The following GALNT7 variants were observed in gnomAD, a reference collection of about 807,000 sequenced individuals.
GALNT7 encodes N-acetylgalactosaminyltransferase 7.
A neutral mutation model predicts 82.1 loss-of-function variants in GALNT7; 60 were observed. The observed-to-expected ratio is 0.73, with a 90% CI of 0.59 to 0.91. The LOEUF (loss-of-function observed/expected upper bound fraction) is 0.91, where lower values mean the gene tolerates loss of function less well. Ranked by LOEUF, GALNT7 falls within the 40% of genes least tolerant of loss-of-function variation. The pLI is 0.00. For missense variants in GALNT7, 660 were observed against 804.2 expected, an observed-to-expected ratio of 0.82 and a Z score of 2.17; for synonymous variants, 243 against 275.1, an observed-to-expected ratio of 0.88 and a Z score of 1.15.
intron 2 of GALNT7, among the ~76,000 whole-genome samples, chr4:173,281,753 C>T (rs927518616): frequency 6.6e-6 from 1 of 152,222 alleles, no homozygotes; most frequent in Non-Finnish European, 1.5e-5. Flanking sequence ...TTGTTACCTT[C>T]TATCCCCTTG....
At chr4:173,174,923 AT>A (rs2126618177) in intron 1 of GALNT7, among the ~76,000 whole-genome samples, 1 of 152,334 alleles carries the variant, frequency 6.6e-6, no homozygotes, top group South Asian at 2.1e-4. Flanking sequence ...AACGTGTGAG[AT>A]ACGATTTGGG....
chr4:173,288,192 A>G (rs1736398974), intron 2 of GALNT7, among the ~76,000 whole-genome samples: 1 of 144,114 alleles, frequency 6.9e-6, no homozygotes. Context: ...CTGAGGCAGG[A>G]GAATGGCGTG....
intron 1 of GALNT7, among the ~76,000 whole-genome samples, chr4:173,227,333 GT>G (rs890108302): frequency 3.3e-5 from 5 of 151,892 alleles, no homozygotes; most frequent in Non-Finnish European, 5.9e-5. Flanking sequence ...TTGTTTGTTT[GT>G]TTTTGTTTTT....
intron 1 of GALNT7, among the ~76,000 whole-genome samples, chr4:173,219,435 G>T (rs1339041900): frequency 1.3e-5 from 2 of 152,084 alleles, no homozygotes; most frequent in Non-Finnish European, 2.9e-5. Flanking sequence ...TTGCAATTGC[G>T]AATTGTGCTG....
Position 173,302,175 on chromosome 4 carries a change from A to C in GALNT7, c.1266+11A>C. The stretch of plus-strand genomic sequence containing the variant: ...GAGATCTCATACAAGGTAACATTTT[A>C]TTTCAACAGATGGAATTCTCCAAGT... On this transcript the variant is annotated intron_variant, in intron 7 of 11. Coordinates refer to ENST00000265000, the MANE Select transcript of GALNT7 (RefSeq NM_017423.3). The surrounding 1 kb of genome is among the most constrained non-coding windows in gnomAD (Gnocchi z 4.2). 1 of 1,073,270 alleles carries C rather than the reference A, an allele frequency of 9.3e-7. No homozygotes were observed. The highest frequency in any genetic ancestry group is 1.3e-5 in the South Asian group (1 of 79,560). The allele number at this position is 1,073,270 out of a possible 1,614,324, so 66.5% of individuals were successfully genotyped here. A position where few individuals can be genotyped will look rare whatever the true frequency, so the allele number is the denominator to read the frequency against.
Position 173,323,745 on chromosome 4 carries a change from A to G in GALNT7, c.*2028A>G, listed in dbSNP as rs1255538604. 6.6e-6 allele frequency: 1 copy of G among 152,598 alleles called. No homozygotes were observed. The highest frequency in any genetic ancestry group is 1.5e-5 in the Non-Finnish European group (1 of 68,002). The allele number at this position is 152,598 out of a possible 1,614,324, so 9.5% of individuals were successfully genotyped here. On this transcript the variant is annotated 3_prime_UTR_variant, in exon 12 of 12. Coordinates refer to ENST00000265000, the MANE Select transcript of GALNT7 (RefSeq NM_017423.3). Reference sequence around the variant, plus strand: ...TATTTTCTACTGTAGGCTGCTTTGGAAATAATTCCCATATCCTTGCTTTGT... The same window carrying G: ...TATTTTCTACTGTAGGCTGCTTTGGGAATAATTCCCATATCCTTGCTTTGT...
At chr4:173,235,770 G>A (rs1374076654) in intron 1 of GALNT7, among the ~76,000 whole-genome samples, 1 of 152,034 alleles carries the variant, frequency 6.6e-6, no homozygotes, top group Non-Finnish European at 1.5e-5. Flanking sequence ...TAGCCAGGAT[G>A]GTGTCGATCT....
At chr4:173,190,825 C>A (rs558750874) in intron 1 of GALNT7, among the ~76,000 whole-genome samples, 74 of 151,988 alleles carry the variant, frequency 4.9e-4, no homozygotes, top group African/African-American at 1.7e-3. Flanking sequence ...TTTTTTCTGC[C>A]AACTGGAATA....
intron 1 of GALNT7, among the ~76,000 whole-genome samples, chr4:173,191,861 A>AT (rs1020871111): frequency 4.8e-4 from 73 of 152,016 alleles, no homozygotes; most frequent in African/African-American, 1.7e-3. Context: ...TACTTAGTGG[A>AT]TTTTTTTAGG....
rs1731906048 is a variant in GALNT7, at chr4:173,172,402, G to A, written c.126+3441G>A. On this transcript the variant is annotated intron_variant, in intron 1 of 11. Coordinates refer to ENST00000265000, the MANE Select transcript of GALNT7 (RefSeq NM_017423.3). ...TATACTAGTTAAAAGCTGCCATTTT[G>A]CCTATTAGTGCACATGCTGGAGCCC... Among the ~76,000 whole-genome samples, 3 of 152,294 alleles carry A rather than the reference G, an allele frequency of 2.0e-5. No homozygotes were observed. The South Asian group carries it at 6.2e-4, about 32-fold the overall frequency.
intron 1 of GALNT7, among the ~76,000 whole-genome samples, chr4:173,211,866 C>A (rs1473337389): frequency 6.6e-6 from 1 of 152,198 alleles, no homozygotes; most frequent in African/African-American, 2.4e-5. Flanking sequence ...TTTAGTATAT[C>A]TCTGGACATC....
intron 1 of GALNT7, among the ~76,000 whole-genome samples, chr4:173,240,257 A>G (rs1345957627): frequency 6.6e-6 from 1 of 152,058 alleles, no homozygotes; most frequent in Non-Finnish European, 1.5e-5. Context: ...ACCAGAAAGT[A>G]TATTCACTCA....
intron 1 of GALNT7, among the ~76,000 whole-genome samples, chr4:173,193,081 A>G (rs1479703333): frequency 6.6e-6 from 1 of 152,210 alleles, no homozygotes; most frequent in Non-Finnish European, 1.5e-5. Flanking sequence ...GTAGATTTTC[A>G]CTTTCTTTCC....
At chr4:173,235,556 C>CTTTTCT (rs1554023283) in intron 1 of GALNT7, among the ~76,000 whole-genome samples, 5 of 140,796 alleles carry the variant, frequency 3.6e-5, no homozygotes, top group Non-Finnish European at 7.6e-5. Flanking sequence ...CTTTTCTTTT[C>CTTTTCT]TTTTTTTTTT....
Position 173,273,636 on chromosome 4 carries a change from C to G in GALNT7, c.588-18472C>G, listed in dbSNP as rs368060113. Among the ~76,000 whole-genome samples, 48 of 152,270 alleles carry G rather than the reference C, an allele frequency of 3.2e-4. 1 individual carries two copies. In the East Asian group the frequency reaches 5.4e-3, roughly 17 times the overall value. On this transcript the variant is annotated intron_variant, in intron 2 of 11. Coordinates refer to ENST00000265000, the MANE Select transcript of GALNT7 (RefSeq NM_017423.3). Reference sequence around the variant, plus strand: ...TGCTACTCACTTGGGGTGGTGCGTTCATAGTGTGCTCATTGTCAGTCGTAC... The same window carrying G: ...TGCTACTCACTTGGGGTGGTGCGTTGATAGTGTGCTCATTGTCAGTCGTAC...
rs200310342 is a variant in GALNT7 at position 173,183,360 on chromosome 4, TG to T, written c.126+14400del. Among the ~76,000 whole-genome samples the T allele has an allele frequency of 2.0e-3, 307 of 151,960 alleles. 2 individuals are homozygous for T. The highest frequency in any genetic ancestry group is 7.0e-3 in the African/African-American group (291 of 41,420). On this transcript the variant is annotated intron_variant, in intron 1 of 11. Coordinates refer to ENST00000265000, the MANE Select transcript of GALNT7 (RefSeq NM_017423.3). ...CACAGGTCTTGAGAGGGATGAATGA[TG>T]AAATGTAAAGATCAGTGATTGAGCA...
chr4:173,207,528 A>G (rs1270279981), intron 1 of GALNT7, among the ~76,000 whole-genome samples: 1 of 152,170 alleles, frequency 6.6e-6, no homozygotes, highest in Non-Finnish European at 1.5e-5. Flanking sequence ...TAGTAGTAAA[A>G]TTGTTCAGCT....
intron 1 of GALNT7, among the ~76,000 whole-genome samples, chr4:173,189,647 C>T (rs963443765): frequency 6.6e-6 from 1 of 152,220 alleles, no homozygotes; most frequent in Non-Finnish European, 1.5e-5. Context: ...TAAAAGTATG[C>T]ACCGAAAACA....
rs1028395763 is a variant in GALNT7 at position 173,223,638 on chromosome 4, C to T, written c.127-24342C>T. ...TCAAGCTGAATGATCACTAAAATCACCTAAAGAACATTTTTAATGTTATTT... is the reference window on the plus strand; with the variant it reads ...TCAAGCTGAATGATCACTAAAATCATCTAAAGAACATTTTTAATGTTATTT... On this transcript the variant is annotated intron_variant, in intron 1 of 11. Transcript: ENST00000265000. 3.3e-5 allele frequency among the ~76,000 whole-genome samples: 5 copies of T among 151,714 alleles called. No individual in the cohort carries two copies. In the South Asian group the frequency reaches 1.0e-3, roughly 32 times the overall value.
Sources: allele counts gnomAD v4.1 joint callset (sites outside exome capture counted in the v4.1 genomes callset), GRCh38; gene constraint gnomAD v4.1.1; non-coding constraint Gnocchi (gnomAD v3.1); transcripts MANE v1.5; gene names NCBI Gene and HGNC (gene_info 2026-07-23, HGNC 2026-07-21).